NWD2: variants seen among roughly 807,000 people sequenced by gnomAD.
The protein encoded by NWD2 is NACHT and WD repeat domain containing 2.
In NWD2, 37 loss-of-function variants were observed where a neutral mutation model predicts 132.7. The ratio of observed to expected loss-of-function variants is 0.28; its 90% confidence interval spans 0.21 to 0.37. NWD2 has a LOEUF of 0.37. Among genes scored for constraint, NWD2 ranks in the 10% least tolerant of loss-of-function variants. NWD2 has a pLI of 1.00. For missense variants in NWD2, 1,592 were observed against 2,122.4 expected (o/e 0.75, Z 4.91); for synonymous variants, 705 against 803.0 (o/e 0.88, Z 2.06).
intron 1 of NWD2, among the ~76,000 whole-genome samples, chr4:37,321,067 A>T (rs530735315): frequency 1.3e-5 from 2 of 152,094 alleles, no homozygotes; most frequent in Admixed American, 6.5e-5. Context: ...TGAGGCATGA[A>T]AATTGCTTGA....
At chr4:37,357,826 T>C (rs1378158130) in intron 3 of NWD2, among the ~76,000 whole-genome samples, 1 of 151,900 alleles carries the variant, frequency 6.6e-6, no homozygotes, top group African/African-American at 2.4e-5. Context: ...CTACTTAAGA[T>C]AAAACAGTCA....
At chr4:37,318,020 CTTTTTTTTTTTT>C (rs71185128) in intron 1 of NWD2, among the ~76,000 whole-genome samples, 3 of 113,364 alleles carry the variant, frequency 2.6e-5, no homozygotes, top group Non-Finnish European at 5.1e-5. Flanking sequence ...TTTTTTCTTT[CTTTTTTTTTTTT>C]TTTTTTGAGA....
intron 3 of NWD2, among the ~76,000 whole-genome samples, chr4:37,400,132 G>T (rs1178601535): frequency 6.6e-6 from 1 of 152,126 alleles, no homozygotes; most frequent in Non-Finnish European, 1.5e-5. Flanking sequence ...TGGGTAAATT[G>T]CCCCTTTTAA....
intron 1 of NWD2, 39 bp from the exon 2 acceptor site, chr4:37,325,897 G>A (rs1287254771): frequency 8.1e-7 from 1 of 1,229,998 alleles, no homozygotes; most frequent in Non-Finnish European, 1.2e-6. Flanking sequence ...CATATGTGTG[G>A]ACATACTCAC....
intron 1 of NWD2, among the ~76,000 whole-genome samples, chr4:37,302,188 A>G (rs1329981597): frequency 1.3e-5 from 2 of 151,952 alleles, no homozygotes; most frequent in East Asian, 3.9e-4. Context: ...TGTAGCTCCC[A>G]CATGTGAGTG....
intron 2 of NWD2, among the ~76,000 whole-genome samples, chr4:37,352,128 T>C (rs1360658156): frequency 6.6e-6 from 1 of 152,204 alleles, no homozygotes; most frequent in Non-Finnish European, 1.5e-5. Flanking sequence ...ATAAGTGTGA[T>C]GATGTGCTGA....
intron 4 of NWD2, among the ~76,000 whole-genome samples, chr4:37,433,168 GGGGTAAACCCAAA>G (rs1712224873): frequency 7.2e-5 from 11 of 152,078 alleles, no homozygotes; most frequent in Admixed American, 5.9e-4. Flanking sequence ...TGAGAATATT[GGGGTAAACCCAAA>G]CCATTTCCCA....
chr4:37,379,411 G>A (rs1720408635), intron 3 of NWD2, among the ~76,000 whole-genome samples: 2 of 152,082 alleles, frequency 1.3e-5, no homozygotes, highest in Admixed American at 6.5e-5. Flanking sequence ...CTTTCCCAGA[G>A]CCACACAGTA....
intron 1 of NWD2, among the ~76,000 whole-genome samples, chr4:37,289,602 T>C (rs1245793467): frequency 6.6e-6 from 1 of 152,224 alleles, no homozygotes; most frequent in Non-Finnish European, 1.5e-5. Context: ...AGCATGCATA[T>C]CATTAAATAC....
At chr4:37,419,844 C>T (rs1412620751) in intron 3 of NWD2, among the ~76,000 whole-genome samples, 2 of 152,090 alleles carry the variant, frequency 1.3e-5, no homozygotes, top group African/African-American at 4.8e-5. Context: ...AGAATAAGGC[C>T]AAGATATAAG....
intron 3 of NWD2, among the ~76,000 whole-genome samples, chr4:37,369,479 GTGGTATT>G (rs1272391839): frequency 6.6e-6 from 1 of 152,150 alleles, no homozygotes. Context: ...GTGAGAACAT[GTGGTATT>G]TGGCTTACAT....
chr4:37,370,455 T>C (rs12646914), intron 3 of NWD2, among the ~76,000 whole-genome samples: 70,965 of 152,014 alleles, frequency 0.47, 17,431 homozygotes, highest in Non-Finnish European at 0.56. Context: ...AGTAAAATTA[T>C]TTTCTTGCCC....
chr4:37,371,072 CTTTTTCT>C (rs1160606575), intron 3 of NWD2, among the ~76,000 whole-genome samples: 1 of 100,526 alleles, frequency 9.9e-6, no homozygotes, highest in Non-Finnish European at 1.9e-5. Context: ...ATTTTTTTTT[CTTTTTCT>C]TTTTTTTTTT....
chr4:37,381,992 C>T (rs746214316), intron 3 of NWD2, among the ~76,000 whole-genome samples: 2 of 152,128 alleles, frequency 1.3e-5, no homozygotes, highest in Non-Finnish European at 2.9e-5. Flanking sequence ...CAGAGACATT[C>T]GTGACACTGT....
intron 2 of NWD2, among the ~76,000 whole-genome samples, chr4:37,342,130 C>A (rs574025861): frequency 6.6e-6 from 1 of 152,144 alleles, no homozygotes; most frequent in African/African-American, 2.4e-5. Context: ...GGGATGGGGC[C>A]TGGTGGGAGG....
chr4:37,430,344 T>C lies in NWD2; in HGVS notation c.358-228T>C, dbSNP rs192213360. Among the ~76,000 whole-genome samples the C allele has an allele frequency of 2.0e-4, 31 of 152,358 alleles. 1 individual carries two copies. Among genetic ancestry groups the C allele is most frequent in the African/African-American group, 7.0e-4 (29 of 41,586 alleles). On this transcript the variant is annotated intron_variant, in intron 3 of 6. Transcript: ENST00000309447. ...CTGCAAAAACTATTTTGAATTCATC[T>C]GATGTGATATGCAGTCTCATTTCTC...
intron 3 of NWD2, among the ~76,000 whole-genome samples, chr4:37,365,580 G>A (rs945956441): frequency 2.6e-5 from 4 of 152,154 alleles, no homozygotes; most frequent in Admixed American, 1.3e-4. Flanking sequence ...TGTTTGTCCA[G>A]TTGAAATCAA....
intron 3 of NWD2, among the ~76,000 whole-genome samples, chr4:37,421,720 G>A (rs1047209531): frequency 1.6e-4 from 24 of 152,162 alleles, no homozygotes; most frequent in African/African-American, 3.1e-4. Flanking sequence ...CTCATTTTAC[G>A]ATCACTGCCA....
chr4:37,334,521 C>T (rs1252192764), intron 2 of NWD2, among the ~76,000 whole-genome samples: 1 of 152,190 alleles, frequency 6.6e-6, no homozygotes, highest in South Asian at 2.1e-4. Flanking sequence ...CTGTCCTTCA[C>T]AATCTAGCTG....
Sources: gnomAD v4.1 joint callset for allele counts (sites outside exome capture counted in the v4.1 genomes callset) on GRCh38, gnomAD v4.1.1 for gene constraint, MANE v1.5 for transcripts, NCBI Gene and HGNC (gene_info 2026-07-23, HGNC 2026-07-21) for gene names.